Variants in MCUB observed in about 807,000 individuals in gnomAD.
MCUB encodes mitochondrial calcium uniporter dominant negative subunit beta.
In MCUB, 46 loss-of-function variants were observed where a neutral mutation model predicts 41.4. The ratio of observed to expected loss-of-function variants is 1.11; its 90% confidence interval spans 0.88 to 1.42. The LOEUF is 1.42. Among genes scored for constraint, MCUB ranks in the 40% most tolerant of loss-of-function variants. The pLI is 0.00. For missense variants in MCUB, 403 were observed against 404.9 expected (o/e 1.00, Z 0.04); for synonymous variants, 148 against 148.2 (o/e 1.00, Z 0.01).
chr4:109,681,547 C>G (rs1729716609), intron 4 of MCUB: 1 of 420,230 alleles, frequency 2.4e-6, no homozygotes, highest in African/African-American at 2.1e-5. Context: ...CTCACGGATT[C>G]TAAGGAACGG....
At chr4:109,678,519 G>A in intron 4 of MCUB, among the ~76,000 whole-genome samples, 1 of 146,510 alleles carries the variant, frequency 6.8e-6, no homozygotes, top group East Asian at 2.1e-4. Context: ...ATGGGGCGGT[G>A]GCCGGGCAGA....
chr4:109,687,428 G>A (rs1218505909), intron 7 of MCUB, 87 bp from the exon 8 acceptor site: 24 of 882,568 alleles, frequency 2.7e-5, no homozygotes, highest in African/African-American at 5.0e-5. Flanking sequence ...GTAAGGAGAC[G>A]CTAAGTTTAT....
intron 1 of MCUB, among the ~76,000 whole-genome samples, chr4:109,635,950 C>A (rs1425988806): frequency 6.6e-6 from 1 of 152,146 alleles, no homozygotes; most frequent in African/African-American, 2.4e-5. Flanking sequence ...TTGGTTTACA[C>A]TTAGGAGTAG....
At chr4:109,620,270 T>C (rs1728225626) in intron 1 of MCUB, among the ~76,000 whole-genome samples, 1 of 152,092 alleles carries the variant, frequency 6.6e-6, no homozygotes, top group Admixed American at 6.6e-5. Context: ...CCAGGCACAC[T>C]AACTTCAGCA....
At chr4:109,612,829 G>A (rs966598705) in intron 1 of MCUB, among the ~76,000 whole-genome samples, 1 of 152,132 alleles carries the variant, frequency 6.6e-6, no homozygotes, top group Admixed American at 6.5e-5. Context: ...GAATTAGGCC[G>A]GGTGCGGTGT....
intron 1 of MCUB, among the ~76,000 whole-genome samples, chr4:109,572,162 CT>C (rs1302877993): frequency 6.6e-6 from 1 of 152,192 alleles, no homozygotes; most frequent in East Asian, 1.9e-4. Context: ...CATTTGACAC[CT>C]TATTGGGTTC....
At chr4:109,604,256 G>C (rs951141393) in intron 1 of MCUB, among the ~76,000 whole-genome samples, 2 of 149,624 alleles carry the variant, frequency 1.3e-5, no homozygotes, top group Non-Finnish European at 3.0e-5. Context: ...GCGGAAGGCC[G>C]CAGGGACCTC....
intron 1 of MCUB, among the ~76,000 whole-genome samples, chr4:109,564,302 T>A (rs1274542934): frequency 1.3e-5 from 2 of 152,026 alleles, no homozygotes; most frequent in Non-Finnish European, 2.9e-5. Flanking sequence ...GGCCAGCTAA[T>A]TTTTTGTATT....
At chr4:109,617,932 G>A (rs185003391) in intron 1 of MCUB, among the ~76,000 whole-genome samples, 1 of 152,140 alleles carries the variant, frequency 6.6e-6, no homozygotes, top group Non-Finnish European at 1.5e-5. Context: ...TCTTGGAAAG[G>A]CCTGGGAAGT....
At chr4:109,597,916 G>A (rs1338021950) in intron 1 of MCUB, among the ~76,000 whole-genome samples, 5 of 151,170 alleles carry the variant, frequency 3.3e-5, no homozygotes, top group African/African-American at 7.3e-5. Flanking sequence ...CCTCCCAGAC[G>A]GGGTCGCGGC....
intron 1 of MCUB, among the ~76,000 whole-genome samples, chr4:109,631,474 T>A (rs989945681): frequency 5.9e-5 from 9 of 152,356 alleles, no homozygotes; most frequent in Middle Eastern, 3.4e-3. Flanking sequence ...CTGTGGCATA[T>A]GTACTAAATA....
At chr4:109,573,125 A>C (rs754894305) in intron 1 of MCUB, among the ~76,000 whole-genome samples, 15 of 152,334 alleles carry the variant, frequency 9.8e-5, no homozygotes, top group Non-Finnish European at 2.1e-4. Context: ...ACTAATCTGC[A>C]CTTAGTAAGC....
intron 1 of MCUB, among the ~76,000 whole-genome samples, chr4:109,604,408 GT>G (rs947016472): frequency 2.0e-5 from 3 of 152,080 alleles, no homozygotes; most frequent in African/African-American, 4.8e-5. Context: ...AAAAAAAATA[GT>G]TTTTTGGTGG....
intron 1 of MCUB, among the ~76,000 whole-genome samples, chr4:109,654,608 C>T (rs902367516): frequency 3.3e-5 from 5 of 151,770 alleles, no homozygotes; most frequent in Admixed American, 1.3e-4. Context: ...AAGACTCCGT[C>T]TCAGGAGAAA....
In MCUB at chr4:109,678,068, C is replaced by T. The variant is rs571528464; in HGVS notation, c.452-4514C>T. Among the ~76,000 whole-genome samples, 631 of 152,070 alleles carry T rather than the reference C, an allele frequency of 4.1e-3. 4 individuals are homozygous for T. Among genetic ancestry groups the T allele is most frequent in the African/African-American group, 0.014 (584 of 41,446 alleles). ...CATCTGTTTAACAAAGCACATCTTG[C>T]ACCGCCCTTAATCCATTTAACCCTG... On this transcript the variant is annotated intron_variant, in intron 4 of 7. Transcript: ENST00000394650.
chr4:109,597,190 C>T (rs1344053356), intron 1 of MCUB, among the ~76,000 whole-genome samples: 1 of 152,124 alleles, frequency 6.6e-6, no homozygotes, highest in Admixed American at 6.5e-5. Context: ...CCTTTCCCCC[C>T]TTTCTATTCC....
At chr4:109,677,950 C>G (rs893906339) in intron 4 of MCUB, among the ~76,000 whole-genome samples, 1 of 151,614 alleles carries the variant, frequency 6.6e-6, no homozygotes, top group Non-Finnish European at 1.5e-5. Context: ...TTTTCCTAGG[C>G]AGAGGTCCCT....
At chr4:109,684,111 G>A (rs1307140526) in intron 5 of MCUB, among the ~76,000 whole-genome samples, 1 of 142,518 alleles carries the variant, frequency 7.0e-6, no homozygotes, top group Non-Finnish European at 1.5e-5. Context: ...CGCCCAGGCT[G>A]GAGTGCAGTG....
At chr4:109,575,092 C>T (rs1038105003) in intron 1 of MCUB, among the ~76,000 whole-genome samples, 1 of 152,180 alleles carries the variant, frequency 6.6e-6, no homozygotes, top group Admixed American at 6.5e-5. Flanking sequence ...CTCTACGCTT[C>T]CTTTCATCGC....
Sources: gnomAD v4.1 joint callset for allele counts (sites outside exome capture counted in the v4.1 genomes callset) on GRCh38, gnomAD v4.1.1 for gene constraint, MANE v1.5 for transcripts, NCBI Gene and HGNC (gene_info 2026-07-23, HGNC 2026-07-21) for gene names.